Variants in IQGAP2 observed in about 807,000 individuals in gnomAD.
IQGAP2 encodes ras GTPase-activating-like protein IQGAP2.
Under a neutral mutation model 201.3 loss-of-function variants are expected in IQGAP2, and 173 were observed. The ratio of observed to expected loss-of-function variants is 0.86; its 90% CI spans 0.76 to 0.98. The LOEUF is 0.98. Ranked by LOEUF, IQGAP2 falls within the 50% of genes least tolerant of loss-of-function variation. The probability of loss-of-function intolerance (pLI) is 0.00; values close to 1 mark genes in which losing one functional copy is unlikely to be tolerated. For synonymous variants in IQGAP2, 675 were observed against 673.9 expected (o/e 1.00, Z -0.03); for missense variants, 1,687 against 1,864.8 (o/e 0.90, Z 1.76).
At position 76,461,572 on chromosome 5, in the gene IQGAP2, A is replaced by C. The variant is rs1394726461; in HGVS notation, c.49A>C (p.Ile17Leu). The change falls in exon 2 of 36, where the codon ATT (isoleucine) becomes CTT (leucine). Residue 17 changes from isoleucine (I) to leucine (L), a missense_variant and splice_region_variant. Transcript: ENST00000274364. The stretch of plus-strand genomic sequence containing the variant: ...ATGTTGTTATCCTCTATTTCTAGCT[A>C]TTGTGGACGATGAAAGGCTCTCTGC... ...PSLQRPRYGS[I>L]VDDERLSAEE... The C allele has an allele frequency of 1.2e-6, 2 of 1,609,202 alleles. No individual in the cohort carries two copies. The highest frequency in any genetic ancestry group is 1.7e-6 in the Non-Finnish European group (2 of 1,175,714).
At chr5:76,518,485 C>A (rs1373844919) in intron 2 of IQGAP2, among the ~76,000 whole-genome samples, 1 of 152,160 alleles carries the variant, frequency 6.6e-6, no homozygotes, top group African/African-American at 2.4e-5. Context: ...GATTCAATTA[C>A]CTCCAACCAG....
chr5:76,469,316 G>C (rs1432649623), intron 2 of IQGAP2, among the ~76,000 whole-genome samples: 2 of 152,132 alleles, frequency 1.3e-5, no homozygotes, highest in Admixed American at 1.3e-4. Flanking sequence ...CTGTGTATTA[G>C]GAGGACTTAA....
At chr5:76,640,612 C>G (rs1233761489) in intron 16 of IQGAP2, among the ~76,000 whole-genome samples, 6 of 152,280 alleles carry the variant, frequency 3.9e-5, no homozygotes, top group Non-Finnish European at 7.4e-5. Flanking sequence ...CAGCAAGCAT[C>G]CTTGTCCCTT....
At chr5:76,452,728 G>C (rs1753835632) in intron 1 of IQGAP2, among the ~76,000 whole-genome samples, 1 of 152,130 alleles carries the variant, frequency 6.6e-6, no homozygotes, top group East Asian at 1.9e-4. Context: ...TTTACATGCA[G>C]GGAGATAGTG....
At chr5:76,512,290 T>C (rs2150183659) in intron 2 of IQGAP2, among the ~76,000 whole-genome samples, 1 of 152,294 alleles carries the variant, frequency 6.6e-6, no homozygotes, top group East Asian at 1.9e-4. Flanking sequence ...GTAAGACACA[T>C]TGAAAGTGTG....
At chr5:76,557,261 G>T (rs544903900) in intron 2 of IQGAP2, among the ~76,000 whole-genome samples, 1 of 152,172 alleles carries the variant, frequency 6.6e-6, no homozygotes, top group Admixed American at 6.5e-5. Context: ...CTGAGCTTTG[G>T]AAAACCTCAG....
intron 13 of IQGAP2, chr5:76,623,066 T>G (rs538375122): frequency 1.9e-6 from 2 of 1,044,506 alleles, no homozygotes; most frequent in African/African-American, 1.6e-5. Context: ...GCCTTTGGGG[T>G]TTACAGTTTG....
intron 5 of IQGAP2, among the ~76,000 whole-genome samples, chr5:76,577,537 T>G (rs867619665): frequency 9.2e-5 from 14 of 152,222 alleles, no homozygotes; most frequent in African/African-American, 2.9e-4. Context: ...ATTTATTTAG[T>G]AAATAGCATT....
At chr5:76,438,237 G>A (rs754423605) in intron 1 of IQGAP2, among the ~76,000 whole-genome samples, 11 of 151,764 alleles carry the variant, frequency 7.2e-5, no homozygotes, top group Non-Finnish European at 1.5e-4. Context: ...TCTTTGGCAG[G>A]TTTAAAATTA....
chr5:76,483,111 G>A (rs934123199), intron 2 of IQGAP2, among the ~76,000 whole-genome samples: 16 of 152,216 alleles, frequency 1.1e-4, no homozygotes, highest in Non-Finnish European at 2.2e-4. Context: ...GAATCAGGCA[G>A]CCCAACTTAA....
chr5:76,623,291 T>C, intron 13 of IQGAP2: 1 of 1,584,412 alleles, frequency 6.3e-7, no homozygotes, highest in South Asian at 1.1e-5. Flanking sequence ...TGGAGCACAA[T>C]TTCACCTCAG....
rs190296685 is a variant in IQGAP2, at chr5:76,564,669, G to T, written c.303+2117G>T. Among the ~76,000 whole-genome samples, 1,087 of 152,322 alleles carry T rather than the reference G, an allele frequency of 7.1e-3. 9 individuals carry two copies. Among genetic ancestry groups the T allele is most frequent in the Non-Finnish European group, 0.013 (880 of 68,022 alleles). On this transcript the variant is annotated intron_variant, in intron 3 of 35. Transcript: ENST00000274364. ...ATGAATAGCAACTTCTCTTTAGGAT[G>T]GGGACAGGGGAAATAATATTCGCAA... is the stretch of plus-strand genomic sequence containing the variant.
At chr5:76,684,877 A>G (rs2150518423) in intron 30 of IQGAP2, among the ~76,000 whole-genome samples, 1 of 152,186 alleles carries the variant, frequency 6.6e-6, no homozygotes, top group Middle Eastern at 3.4e-3. Flanking sequence ...ATCTGTGAAA[A>G]CAACAGGAAG....
chr5:76,547,458 T>A (rs911604931), intron 2 of IQGAP2: 1 of 974,322 alleles, frequency 1.0e-6, no homozygotes, highest in African/African-American at 1.8e-5. Flanking sequence ...TTAAGTAAGT[T>A]TACAATGATC....
chr5:76,583,476 G>A (rs1311370417), intron 5 of IQGAP2, among the ~76,000 whole-genome samples: 1 of 151,884 alleles, frequency 6.6e-6, no homozygotes, highest in Admixed American at 6.6e-5. Context: ...GAAAATTGAG[G>A]CCAAACAGAA....
intron 4 of IQGAP2, 106 bp from the exon 5 acceptor site, chr5:76,575,587 A>G (rs925468676): frequency 5.4e-6 from 3 of 553,320 alleles, no homozygotes; most frequent in Non-Finnish European, 9.2e-6. Flanking sequence ...TCTATATTTA[A>G]ATAATTATAG....
intron 3 of IQGAP2, among the ~76,000 whole-genome samples, chr5:76,563,521 C>T (rs1744528676): frequency 6.6e-6 from 1 of 152,038 alleles, no homozygotes; most frequent in Non-Finnish European, 1.5e-5. Flanking sequence ...ACTATTCTGT[C>T]TACTTTTTTA....
chr5:76,619,602 C>T (rs1259482760), intron 13 of IQGAP2, among the ~76,000 whole-genome samples: 2 of 151,088 alleles, frequency 1.3e-5, no homozygotes, highest in African/African-American at 2.4e-5. Flanking sequence ...CTGCAACCTC[C>T]GCCTCCCGGG....
chr5:76,607,059 G>T (rs1747861119), intron 12 of IQGAP2: 1 of 152,150 alleles, frequency 6.6e-6, no homozygotes, highest in Admixed American at 6.5e-5. Context: ...TAAAATCATT[G>T]ATCTCTCCTC....
Sources: gnomAD v4.1 joint callset for allele counts (sites outside exome capture counted in the v4.1 genomes callset) on GRCh38, gnomAD v4.1.1 for gene constraint, MANE v1.5 for transcripts, NCBI Gene and HGNC (gene_info 2026-07-23, HGNC 2026-07-21) for gene names.